UBE2J2: variants seen among roughly 807,000 people sequenced by gnomAD.
UBE2J2 encodes the protein ubiquitin conjugating enzyme E2 J2.
UBE2J2 carries 5 observed loss-of-function variants against 28.6 expected under a neutral mutation model. The observed-to-expected ratio is 0.17, with a 90% CI of 0.09 to 0.37. UBE2J2 has a LOEUF of 0.37. Ranked by LOEUF, UBE2J2 falls within the 10% of genes least tolerant of loss-of-function variation. UBE2J2 has a pLI of 1.00. For synonymous variants in UBE2J2, 138 were observed against 139.7 expected, an observed-to-expected ratio of 0.99 and a Z score of 0.09; for missense variants, 226 against 338.9, an observed-to-expected ratio of 0.67 and a Z score of 2.62.
chr1:1,257,614 C>A (rs1332383758), intron 3 of UBE2J2, among the ~76,000 whole-genome samples: 1 of 151,022 alleles, frequency 6.6e-6, no homozygotes, highest in African/African-American at 2.4e-5. Flanking sequence ...CTACTGCACA[C>A]CCCTCTCCCT....
chr1:1,270,673 C>A (rs1037938234), intron 1 of UBE2J2, among the ~76,000 whole-genome samples: 2 of 152,162 alleles, frequency 1.3e-5, no homozygotes, highest in Admixed American at 6.5e-5. Context: ...AGTCTCTTCC[C>A]ATTTCAAGGC....
At chr1:1,261,951 G>A (rs865849817) in intron 3 of UBE2J2, among the ~76,000 whole-genome samples, 13 of 152,086 alleles carry the variant, frequency 8.5e-5, no homozygotes, top group Admixed American at 4.6e-4. Flanking sequence ...TCCGCCTCCC[G>A]GGTTCAAGTG....
At chr1:1,269,509 G>A (rs1327584574) in intron 1 of UBE2J2, among the ~76,000 whole-genome samples, 1 of 149,716 alleles carries the variant, frequency 6.7e-6, no homozygotes, top group Non-Finnish European at 1.5e-5. Context: ...TGCCCAGGTT[G>A]GAGTGCAGTG....
chr1:1,265,575 GTGTGTGTGTGTGTGTGTTTTCTCTCCAT>G (rs1375352883), intron 2 of UBE2J2, among the ~76,000 whole-genome samples: 5 of 150,058 alleles, frequency 3.3e-5, no homozygotes, highest in East Asian at 2.0e-4. Flanking sequence ...GTGTGTGTGT[GTGTGTGTGTGTGTGTGTTTTCTCTCCAT>G]TGTGTGTGTG....
At chr1:1,261,198 G>A (rs1315355668) in intron 3 of UBE2J2, among the ~76,000 whole-genome samples, 1 of 152,230 alleles carries the variant, frequency 6.6e-6, no homozygotes, top group Non-Finnish European at 1.5e-5. Context: ...GGGCTGCAGA[G>A]AGCAAAAGGC....
chr1:1,265,218 A>C (rs1639780121), intron 2 of UBE2J2, among the ~76,000 whole-genome samples: 1 of 152,156 alleles, frequency 6.6e-6, no homozygotes, highest in Admixed American at 6.5e-5. Flanking sequence ...TTTCTGGGAA[A>C]GCAGTCTTCT....
At chr1:1,263,175 C>T in intron 3 of UBE2J2, 171 bp downstream of exon 3, 1 of 662,496 alleles carries the variant, frequency 1.5e-6, no homozygotes. Context: ...AGAGCAAACA[C>T]TTCCAGCGTG....
rs538046572 is a variant in UBE2J2 at position 1,268,453 on chromosome 1, C to T, written c.1-461G>A. Among the ~76,000 whole-genome samples, 1 of 152,276 alleles carries T rather than the reference C, an allele frequency of 6.6e-6. No homozygotes were observed. The highest frequency in any genetic ancestry group is 2.1e-4 in the South Asian group (1 of 4,830). On this transcript the variant is annotated intron_variant, in intron 1 of 6. Transcript: ENST00000349431. This position sits in a 1 kb window ranked among gnomAD's most constrained non-coding sequence, Gnocchi z 4.7. ...CCGGCCCCTTCACCGCACCCGGAAG[C>T]CCGCTGCCCAGCATTTACCACTAGC...
At position 1,266,016 on chromosome 1, in the gene UBE2J2, T is replaced by C. The variant is rs1639839098; in HGVS notation, c.131+1846A>G. 5.4e-6 allele frequency: 7 copies of C among 1,288,848 alleles called. No individual in the cohort carries two copies. The South Asian group carries it at 6.2e-5, about 11-fold the overall frequency. 79.8% of individuals were successfully genotyped at this position (1,288,848 alleles called of 1,614,324 possible). ...CTTGGGGACGCCTGACCCACAGATT[T>C]GTGGGGAGGGATTTCCCCACACAAT... On this transcript the variant is annotated intron_variant, in intron 2 of 6. Coordinates refer to ENST00000349431, the MANE Select transcript of UBE2J2 (RefSeq NM_058167.3).
At chr1:1,271,182 T>C (rs1299493808) in intron 1 of UBE2J2, among the ~76,000 whole-genome samples, 2 of 152,192 alleles carry the variant, frequency 1.3e-5, no homozygotes, top group African/African-American at 2.4e-5. Flanking sequence ...GTTACAGTCC[T>C]GCCTGGGAAG....
chr1:1,269,684 G>C (rs981229308), intron 1 of UBE2J2, among the ~76,000 whole-genome samples: 1 of 151,988 alleles, frequency 6.6e-6, no homozygotes, highest in Non-Finnish European at 1.5e-5. Context: ...GGCTGGTCTC[G>C]AACTCCTGAC....
chr1:1,272,582 G>C (rs1010369765), intron 1 of UBE2J2, among the ~76,000 whole-genome samples: 1 of 151,404 alleles, frequency 6.6e-6, no homozygotes, highest in Non-Finnish European at 1.5e-5. Context: ...GATGGAAATG[G>C]GACACTCACC....
At chr1:1,262,459 T>G in intron 3 of UBE2J2, 3 of 373,314 alleles carry the variant, frequency 8.0e-6, no homozygotes, top group South Asian at 5.8e-5. Context: ...GAGAGCCTTT[T>G]TCATTCTTAC....
intron 1 of UBE2J2, among the ~76,000 whole-genome samples, chr1:1,269,516 A>G (rs568522026): frequency 1.3e-5 from 2 of 150,400 alleles, no homozygotes; most frequent in Admixed American, 1.3e-4. Context: ...GTTGGAGTGC[A>G]GTGGTGTGAT....
rs1344337775 is a variant in UBE2J2, at chr1:1,267,357, T to G, written c.131+505A>C. On this transcript the variant is annotated intron_variant, in intron 2 of 6. Coordinates refer to ENST00000349431, the MANE Select transcript of UBE2J2 (RefSeq NM_058167.3). ...TTGTCAGCCTGAGGGTCGGGGCACCTGGCCCAAGCCAGTGCCAGGGACAGG... is the reference window on the plus strand; with the variant it reads ...TTGTCAGCCTGAGGGTCGGGGCACCGGGCCCAAGCCAGTGCCAGGGACAGG... 2.6e-5 allele frequency among the ~76,000 whole-genome samples: 4 copies of G among 152,338 alleles called. No homozygotes were observed. In the East Asian group the frequency reaches 7.7e-4, roughly 29 times the overall value.
chr1:1,256,865 G>A (rs1639209376), intron 5 of UBE2J2, 127 bp downstream of exon 5: 2 of 938,154 alleles, frequency 2.1e-6, no homozygotes, highest in South Asian at 2.8e-5. Flanking sequence ...CCAGCCTGGA[G>A]ACACAGCGAG....
intron 3 of UBE2J2, among the ~76,000 whole-genome samples, chr1:1,257,763 G>A (rs765771879): frequency 2.0e-5 from 3 of 151,808 alleles, no homozygotes; most frequent in Non-Finnish European, 1.5e-5. Context: ...CAGACCCAGC[G>A]ACTCTCCAGC....
At chr1:1,258,654 G>A (rs551224647) in intron 3 of UBE2J2, among the ~76,000 whole-genome samples, 2 of 152,336 alleles carry the variant, frequency 1.3e-5, no homozygotes, top group Admixed American at 1.3e-4. Context: ...ACAGCGCCCA[G>A]ACGCCCCCAT....
Position 1,255,387 on chromosome 1 carries a change from T to C in UBE2J2, c.596A>G (p.Gln199Arg). ...VVPDGETHLV[Q>R]NGIQLLNGHA... is the part of the protein sequence containing the mutation. ...CCCGTTGAGCAGCTGAATCCCGTTC[T>C]GGACGAGGTGCGTCTCCCCGTCTGG... Residue 199 changes from glutamine (Q) to arginine (R), a missense_variant, in exon 7 of 7, where the codon CAG becomes CGG. By Grantham distance (43) the Gln-to-Arg change is conservative (BLOSUM62 1). Around this residue, in one of 3 missense-constraint regions of UBE2J2, gnomAD observed 133 missense variants for 161.5 expected, o/e 0.82. Transcript: ENST00000349431. 1 of 1,613,882 alleles carries C rather than the reference T, an allele frequency of 6.2e-7. No individual in the cohort carries two copies. Among genetic ancestry groups the C allele is most frequent in the Non-Finnish European group, 8.5e-7 (1 of 1,180,036 alleles).
Sources: allele counts gnomAD v4.1 joint callset (sites outside exome capture counted in the v4.1 genomes callset), GRCh38; gene constraint gnomAD v4.1.1; regional missense constraint gnomAD v4.1.1; non-coding constraint Gnocchi (gnomAD v3.1); transcripts MANE v1.5; gene names NCBI Gene and HGNC (gene_info 2026-07-23, HGNC 2026-07-21).